RSRC1: variants seen among roughly 807,000 people sequenced by gnomAD.
RSRC1 encodes the protein arginine and serine rich coiled-coil 1, also known as serine/Arginine-related protein 53.
RSRC1 carries 39 observed loss-of-function variants against 49.1 expected under a neutral mutation model. The ratio of observed to expected loss-of-function variants is 0.79; its 90% CI spans 0.61 to 1.04. The LOEUF (loss-of-function observed/expected upper bound fraction) is 1.04, where lower values mean the gene tolerates loss of function less well. Among genes scored for constraint, RSRC1 ranks in the 50% least tolerant of loss-of-function variants. RSRC1 has a pLI of 0.00. For missense variants in RSRC1, 388 were observed against 402.4 expected (o/e 0.96, Z 0.31); for synonymous variants, 143 against 130.8 (o/e 1.09, Z -0.63).
chr3:158,500,160 A>G (rs1739526172), intron 7 of RSRC1, among the ~76,000 whole-genome samples: 1 of 152,198 alleles, frequency 6.6e-6, no homozygotes, highest in South Asian at 2.1e-4. Flanking sequence ...TATGTGGTGT[A>G]TGACATTTAT....
intron 3 of RSRC1, among the ~76,000 whole-genome samples, chr3:158,199,470 CAG>C (rs1279540973): frequency 2.0e-5 from 3 of 152,080 alleles, no homozygotes; most frequent in African/African-American, 4.8e-5. Context: ...TTGATATTCT[CAG>C]GGTACTAGAT....
At chr3:158,462,336 A>G (rs1737658789) in intron 7 of RSRC1, among the ~76,000 whole-genome samples, 1 of 151,968 alleles carries the variant, frequency 6.6e-6, no homozygotes, top group Non-Finnish European at 1.5e-5. Flanking sequence ...GCAAATTATA[A>G]TTTTTAAGTA....
chr3:158,490,639 A>G (rs1578539133), intron 7 of RSRC1, among the ~76,000 whole-genome samples: 1 of 152,180 alleles, frequency 6.6e-6, no homozygotes, highest in Non-Finnish European at 1.5e-5. Context: ...TATCTATTTA[A>G]TTTAGATAAA....
intron 4 of RSRC1, among the ~76,000 whole-genome samples, chr3:158,285,942 G>A (rs1726523792): frequency 6.6e-6 from 1 of 152,048 alleles, no homozygotes; most frequent in Non-Finnish European, 1.5e-5. Flanking sequence ...GAATAGGAGT[G>A]GTGTTTTCAC....
intron 3 of RSRC1, among the ~76,000 whole-genome samples, chr3:158,155,861 A>G (rs775424165): frequency 5.3e-5 from 8 of 152,220 alleles, no homozygotes; most frequent in Non-Finnish European, 8.8e-5. Context: ...TTTTATTTAT[A>G]GAGCACAGGC....
intron 6 of RSRC1, among the ~76,000 whole-genome samples, chr3:158,442,254 T>A (rs970705299): frequency 3.9e-5 from 6 of 152,058 alleles, no homozygotes; most frequent in African/African-American, 1.2e-4. Context: ...ATAAAATATT[T>A]CTCTGTAACA....
intron 4 of RSRC1, among the ~76,000 whole-genome samples, chr3:158,252,266 A>G (rs1724259386): frequency 6.6e-6 from 1 of 150,946 alleles, no homozygotes; most frequent in African/African-American, 2.4e-5. Flanking sequence ...GGTTCACGCC[A>G]TTCTCCTGCC....
intron 4 of RSRC1, among the ~76,000 whole-genome samples, chr3:158,272,606 A>C (rs990967683): frequency 1.3e-5 from 2 of 152,026 alleles, no homozygotes; most frequent in Non-Finnish European, 2.9e-5. Context: ...TCCAGAATTA[A>C]ATTTGATTAA....
intron 3 of RSRC1, among the ~76,000 whole-genome samples, chr3:158,125,175 ACT>A (rs372820256): frequency 3.6e-5 from 5 of 140,550 alleles, no homozygotes; most frequent in African/African-American, 1.0e-4. Flanking sequence ...TTTTCAAAAA[ACT>A]CTTAGTTTTG....
At chr3:158,372,330 T>A (rs1732126063) in intron 6 of RSRC1, among the ~76,000 whole-genome samples, 1 of 151,954 alleles carries the variant, frequency 6.6e-6, no homozygotes, top group African/African-American at 2.4e-5. Flanking sequence ...AATGTTTATA[T>A]ATGATGAAGT....
At chr3:158,299,292 C>T (rs1727402318) in intron 5 of RSRC1, among the ~76,000 whole-genome samples, 1 of 151,794 alleles carries the variant, frequency 6.6e-6, no homozygotes, top group African/African-American at 2.4e-5. Context: ...TATCATAGTG[C>T]CAATATGAGG....
chr3:158,333,508 G>A (rs1441797348), intron 5 of RSRC1, among the ~76,000 whole-genome samples: 1 of 152,100 alleles, frequency 6.6e-6, no homozygotes, highest in Non-Finnish European at 1.5e-5. Context: ...ATCTTTTTTA[G>A]TTGGTTAATC....
chr3:158,444,124 C>T (rs1293891950), intron 6 of RSRC1, among the ~76,000 whole-genome samples: 1 of 152,044 alleles, frequency 6.6e-6, no homozygotes, highest in African/African-American at 2.4e-5. Flanking sequence ...TCAGAATTAC[C>T]AAAATGTGTC....
chr3:158,263,153 T>C (rs534233025), intron 4 of RSRC1, among the ~76,000 whole-genome samples: 11 of 152,258 alleles, frequency 7.2e-5, no homozygotes, highest in African/African-American at 2.4e-4. Flanking sequence ...TTTGATGTTA[T>C]CAAGATAATT....
intron 6 of RSRC1, among the ~76,000 whole-genome samples, chr3:158,419,956 A>G (rs1734950857): frequency 6.6e-6 from 1 of 151,800 alleles, no homozygotes; most frequent in Non-Finnish European, 1.5e-5. Context: ...TCAAACACAT[A>G]CATTTGTTCA....
In RSRC1 at chr3:158,203,231, T is replaced by G. The variant is rs1303012240; in HGVS notation, c.480T>G (p.His160Gln). Residue 160 changes from histidine to glutamine, a missense_variant, in exon 4 of 10, where the codon CAT (histidine) becomes CAG (glutamine). By Grantham distance (24) the His-to-Gln change is conservative. Coordinates refer to ENST00000611884, the MANE Select transcript of RSRC1 (RefSeq NM_001271838.2). Reference protein sequence around the residue: ...EKDKGKDKELHNIKRGESGNI... With the variant: ...EKDKGKDKELQNIKRGESGNI... ...ATAAAGGGAAGGACAAGGAATTACA[T>G]AACATCAAACGTGGGTAAGTTGGAG... is the stretch of plus-strand genomic sequence containing the variant. 6.3e-7 allele frequency: 1 copy of G among 1,590,080 alleles called. No individual in the cohort carries two copies.
chr3:158,470,351 C>CATAT (rs1406081487), intron 7 of RSRC1, among the ~76,000 whole-genome samples: 4 of 116,774 alleles, frequency 3.4e-5, no homozygotes, highest in African/African-American at 1.5e-4. Flanking sequence ...CACACACACA[C>CATAT]ACACACACAC....
At chr3:158,245,738 T>C (rs1031100654) in intron 4 of RSRC1, among the ~76,000 whole-genome samples, 1 of 152,212 alleles carries the variant, frequency 6.6e-6, no homozygotes, top group Middle Eastern at 3.2e-3. Flanking sequence ...GATAGTTAGC[T>C]CTTTTTGTTA....
intron 4 of RSRC1, among the ~76,000 whole-genome samples, chr3:158,257,319 A>G (rs947857081): frequency 6.6e-6 from 1 of 151,794 alleles, no homozygotes; most frequent in African/African-American, 2.4e-5. Context: ...TTCTGCCTTC[A>G]TTTTATTATT....
Sources: allele counts gnomAD v4.1 joint callset (sites outside exome capture counted in the v4.1 genomes callset), GRCh38; gene constraint gnomAD v4.1.1; transcripts MANE v1.5; gene names NCBI Gene and HGNC (gene_info 2026-07-23, HGNC 2026-07-21).